POLR2B: variants seen among roughly 807,000 people sequenced by gnomAD.
The protein encoded by POLR2B is DNA-directed RNA polymerase II subunit RPB2.
POLR2B carries 57 observed loss-of-function variants against 144.6 expected under a neutral mutation model. The observed-to-expected ratio is 0.39, with a 90% CI of 0.32 to 0.49. The LOEUF (loss-of-function observed/expected upper bound fraction) is 0.49, where lower values mean the gene tolerates loss of function less well. POLR2B is among the 20% of genes least tolerant of loss of function. The probability of loss-of-function intolerance (pLI) is 0.83; values close to 1 mark genes in which losing one functional copy is unlikely to be tolerated. For synonymous variants in POLR2B, 442 were observed against 469.8 expected, an observed-to-expected ratio of 0.94 and a Z score of 0.77; for missense variants, 595 against 1,467.4, an observed-to-expected ratio of 0.41 and a Z score of 9.71.
At chr4:57,013,847 C>T (rs776417473) in intron 13 of POLR2B, among the ~76,000 whole-genome samples, 1 of 151,570 alleles carries the variant, frequency 6.6e-6, no homozygotes, top group Non-Finnish European at 1.5e-5. Context: ...GTGGCTCATG[C>T]CTGTAATGGC....
intron 14 of POLR2B, among the ~76,000 whole-genome samples, chr4:57,016,451 G>A (rs1020893896): frequency 2.0e-5 from 3 of 151,938 alleles, no homozygotes; most frequent in Non-Finnish European, 4.4e-5. Flanking sequence ...GGAGGCAGGA[G>A]GATCACTTGA....
Position 57,025,441 on chromosome 4 carries a change from A to G in POLR2B, c.3143A>G (p.Tyr1048Cys). ...TSQIFIGPTYYQRLKHMVDDK... is the reference protein window; with the variant it reads ...TSQIFIGPTYCQRLKHMVDDK... ...CAAATATTTATTGGCCCCACTTATT[A>G]CCAGCGTTTGAAGCATATGGTGGAT... is the stretch of plus-strand genomic sequence containing the variant. Residue 1048 changes from tyrosine to cysteine, a missense_variant, in exon 23 of 25, where the codon TAC (tyrosine) becomes TGC (cysteine). By Grantham distance (194) the Tyr-to-Cys change is radical. Coordinates refer to ENST00000314595, the MANE Select transcript of POLR2B (RefSeq NM_000938.3). 1 of 1,612,684 alleles carries G rather than the reference A, an allele frequency of 6.2e-7. No individual in the cohort carries two copies.
Position 57,023,553 on chromosome 4 carries a change from G to A in POLR2B, c.2739G>A (p.Gln913=). 6.2e-7 allele frequency: 1 copy of A among 1,613,954 alleles called. No individual in the cohort carries two copies. Among genetic ancestry groups the A allele is most frequent in the Non-Finnish European group, 8.5e-7 (1 of 1,179,884 alleles). ...ATCAGGTTATGGTAACTCTCAATCA[G>A]GAAGGATATAAATTTTGTAAAATAA... ...IVDQVMVTLN[Q]EGYKFCKIRV... The change falls in exon 19 of 25, where the codon CAG becomes CAA. Residue 913 remains glutamine, a synonymous_variant. Coordinates refer to ENST00000314595, the MANE Select transcript of POLR2B (RefSeq NM_000938.3). This position sits in a 1 kb window ranked among gnomAD's most constrained non-coding sequence, Gnocchi z 4.3.
At chr4:56,986,447 A>AT (rs750198816) in intron 2 of POLR2B, 21 bp downstream of exon 2, 4 of 1,532,922 alleles carry the variant, frequency 2.6e-6, no homozygotes, top group Non-Finnish European at 3.6e-6. Context: ...ACCAAACTGA[A>AT]TTAGCCTGAA....
intron 6 of POLR2B, 98 bp downstream of exon 6, chr4:56,995,507 C>A: frequency 1.2e-6 from 1 of 803,502 alleles, no homozygotes; most frequent in Non-Finnish European, 2.0e-6. Flanking sequence ...TTTTCTGGAG[C>A]ATATTGTTGT....
At chr4:57,015,006 C>T (rs1047403484) in intron 13 of POLR2B, among the ~76,000 whole-genome samples, 11 of 152,034 alleles carry the variant, frequency 7.2e-5, no homozygotes, top group African/African-American at 2.4e-4. Flanking sequence ...TGTGGCTATC[C>T]CCTGTATTAG....
chr4:57,030,404 G>GT lies in POLR2B; in HGVS notation c.3435+6dup, dbSNP rs767970293. 5.7e-6 allele frequency: 9 copies of GT among 1,591,796 alleles called. No individual in the cohort carries two copies. In the East Asian group the frequency reaches 2.0e-4, roughly 36 times the overall value. On this transcript the variant is annotated splice_donor_region_variant and intron_variant, in intron 24 of 24. Coordinates refer to ENST00000314595, the MANE Select transcript of POLR2B (RefSeq NM_000938.3). Reference sequence around the variant, plus strand: ...GGCTGCCGCAATAAAACCCAGGTGTGTATAGACTTTACTGGCAGTTGATAT... The same window carrying GT: ...GGCTGCCGCAATAAAACCCAGGTGTGTTATAGACTTTACTGGCAGTTGATAT...
rs1156862075 is a variant in POLR2B, at chr4:57,010,421, A to G, written c.1465A>G (p.Ile489Val). The change falls in exon 11 of 25, where the codon ATT (isoleucine) becomes GTT (valine). Residue 489 changes from isoleucine (I) to valine (V), a missense_variant. Coordinates refer to ENST00000314595, the MANE Select transcript of POLR2B (RefSeq NM_000938.3). ...LSHLRRLNSP[I>V]GRDGKLAKPR... ...TCACCTGCGTCGTTTAAATTCTCCTATTGGTAGAGACGGCAAGCTAGCAAA... is the reference window on the plus strand; with the variant it reads ...TCACCTGCGTCGTTTAAATTCTCCTGTTGGTAGAGACGGCAAGCTAGCAAA... 1.9e-6 allele frequency: 3 copies of G among 1,613,948 alleles called. No homozygotes were observed. Among genetic ancestry groups the G allele is most frequent in the South Asian group, 2.2e-5 (2 of 91,074 alleles).
At chr4:57,004,009 T>G (rs921143439) in intron 7 of POLR2B, among the ~76,000 whole-genome samples, 3 of 147,010 alleles carry the variant, frequency 2.0e-5, no homozygotes. Flanking sequence ...TAGGTTTAAT[T>G]TAAATTAAAT....
intron 21 of POLR2B, 108 bp downstream of exon 21, chr4:57,024,220 G>A (rs976708680): frequency 1.7e-6 from 1 of 577,588 alleles, no homozygotes; most frequent in East Asian, 3.1e-5. Context: ...AAAAGCTAGT[G>A]TGAGACTTAC....
chr4:57,013,728 A>AT (rs1723274460), intron 13 of POLR2B, among the ~76,000 whole-genome samples: 1 of 152,066 alleles, frequency 6.6e-6, no homozygotes, highest in Admixed American at 6.6e-5. Flanking sequence ...AGTGTGTATT[A>AT]TGTATTTAGC....
chr4:56,988,796 C>A (rs938134917), intron 2 of POLR2B, among the ~76,000 whole-genome samples: 21 of 152,258 alleles, frequency 1.4e-4, no homozygotes, highest in Non-Finnish European at 2.6e-4. Flanking sequence ...TATTAGGAAA[C>A]AATAACCAGG....
At chr4:57,011,599 C>T (rs1168938587) in intron 13 of POLR2B, among the ~76,000 whole-genome samples, 3 of 151,944 alleles carry the variant, frequency 2.0e-5, no homozygotes, top group African/African-American at 7.3e-5. Context: ...CTAAGGCAGG[C>T]GGATCACAAG....
chr4:56,996,466 A>G (rs1243522159), intron 6 of POLR2B, among the ~76,000 whole-genome samples: 3 of 149,292 alleles, frequency 2.0e-5, no homozygotes, highest in Admixed American at 6.7e-5. Flanking sequence ...TTGTATTTTT[A>G]GTAGAGATGG....
chr4:57,010,706 G>A (rs768869753), intron 11 of POLR2B, 42 bp from the exon 12 acceptor site: 35 of 1,519,124 alleles, frequency 2.3e-5, no homozygotes, highest in Admixed American at 4.2e-5. Context: ...AGTTTGATAG[G>A]CATGTAAAAT....
intron 23 of POLR2B, among the ~76,000 whole-genome samples, chr4:57,026,748 G>A (rs192925541): frequency 0.067 from 9,406 of 139,358 alleles, 342 homozygotes; most frequent in Middle Eastern, 0.097. Context: ...GCGACAGAGT[G>A]AGACTCTGTC....
chr4:56,999,532 A>G (rs3733310), intron 6 of POLR2B, 85 bp from the exon 7 acceptor site: 2 of 818,490 alleles, frequency 2.4e-6, no homozygotes, highest in South Asian at 2.0e-5. Context: ...CAAAGAATAT[A>G]TATATATTAA....
chr4:57,018,551 G>T (rs1723438132), intron 16 of POLR2B, among the ~76,000 whole-genome samples: 1 of 152,048 alleles, frequency 6.6e-6, no homozygotes, highest in East Asian at 1.9e-4. Context: ...GTTAGAAGGG[G>T]AAAGAGGTTT....
intron 1 of POLR2B, among the ~76,000 whole-genome samples, chr4:56,983,790 G>A (rs1722232807): frequency 6.6e-6 from 1 of 151,878 alleles, no homozygotes; most frequent in African/African-American, 2.4e-5. Flanking sequence ...ACTGACATGA[G>A]CCACTGCACC....
Sources: gnomAD v4.1 joint callset for allele counts (sites outside exome capture counted in the v4.1 genomes callset) on GRCh38, gnomAD v4.1.1 for gene constraint, Gnocchi (gnomAD v3.1) non-coding constraint, MANE v1.5 for transcripts, NCBI Gene and HGNC (gene_info 2026-07-23, HGNC 2026-07-21) for gene names.